Variants in SLIT3 observed in about 807,000 individuals in gnomAD.
SLIT3 encodes slit guidance ligand 3, also known as slit homolog 3 protein.
SLIT3 carries 68 observed loss-of-function variants against 184.0 expected under a neutral mutation model. The ratio of observed to expected loss-of-function variants is 0.37; its 90% CI spans 0.30 to 0.45. The LOEUF (loss-of-function observed/expected upper bound fraction) is 0.45. Ranked by LOEUF, SLIT3 falls within the 20% of genes least tolerant of loss-of-function variation. The pLI is 1.00. For synonymous variants in SLIT3, 831 were observed against 828.6 expected, an observed-to-expected ratio of 1.00 and a Z score of -0.05; for missense variants, 1,707 against 2,026.0, an observed-to-expected ratio of 0.84 and a Z score of 3.02.
At chr5:168,917,829 T>A (rs1395416386) in intron 4 of SLIT3, among the ~76,000 whole-genome samples, 1 of 152,222 alleles carries the variant, frequency 6.6e-6, no homozygotes, top group African/African-American at 2.4e-5. Flanking sequence ...CTGAAAGGGT[T>A]AGCTTTATCA....
At chr5:169,123,291 A>G (rs1760950855) in intron 4 of SLIT3, among the ~76,000 whole-genome samples, 1 of 152,212 alleles carries the variant, frequency 6.6e-6, no homozygotes, top group East Asian at 1.9e-4. Flanking sequence ...AAGAATGGTG[A>G]AATCATTGAT....
chr5:168,884,710 C>T (rs1399917001), intron 4 of SLIT3, among the ~76,000 whole-genome samples: 1 of 151,298 alleles, frequency 6.6e-6, no homozygotes, highest in Non-Finnish European at 1.5e-5. Flanking sequence ...GGTTGTATAT[C>T]GTCCAATTGT....
intron 4 of SLIT3, among the ~76,000 whole-genome samples, chr5:169,097,216 A>G (rs1053028078): frequency 1.3e-5 from 2 of 152,200 alleles, no homozygotes; most frequent in Admixed American, 6.5e-5. Context: ...CCCTGCCTAT[A>G]GGGCCAAGAA....
intron 4 of SLIT3, among the ~76,000 whole-genome samples, chr5:169,129,947 C>T (rs1045613998): frequency 5.3e-5 from 8 of 152,086 alleles, no homozygotes; most frequent in South Asian, 4.2e-4. Flanking sequence ...CTCCTGGGTT[C>T]GAGCGATTCT....
At chr5:169,194,174 G>A (rs1033360314) in intron 3 of SLIT3, among the ~76,000 whole-genome samples, 1 of 144,982 alleles carries the variant, frequency 6.9e-6, no homozygotes. Flanking sequence ...GGCAGAGGTT[G>A]CAGTGAGCTG....
intron 4 of SLIT3, among the ~76,000 whole-genome samples, chr5:168,958,615 C>T (rs1175871407): frequency 6.6e-6 from 1 of 152,252 alleles, no homozygotes. Flanking sequence ...CCATATGACA[C>T]TTCCACCTTT....
intron 1 of SLIT3, among the ~76,000 whole-genome samples, chr5:169,287,111 C>T (rs920982117): frequency 7.2e-5 from 11 of 152,284 alleles, no homozygotes; most frequent in Admixed American, 4.6e-4. Context: ...CCATCTTGTG[C>T]TATGAAGCAA....
chr5:169,293,364 C>A (rs2064079382), intron 1 of SLIT3, among the ~76,000 whole-genome samples: 1 of 152,058 alleles, frequency 6.6e-6, no homozygotes, highest in African/African-American at 2.4e-5. Flanking sequence ...AACTGACCAC[C>A]TTCCCCTAAA....
chr5:169,189,767 C>T (rs563707319), intron 4 of SLIT3, among the ~76,000 whole-genome samples: 25 of 151,938 alleles, frequency 1.6e-4, no homozygotes, highest in African/African-American at 3.6e-4. Flanking sequence ...ATTCTTTAAC[C>T]TTTCTGCACT....
chr5:168,762,720 T>A (rs1359529849), intron 14 of SLIT3, 31 bp from the exon 15 acceptor site: 1 of 1,605,606 alleles, frequency 6.2e-7, no homozygotes, highest in African/African-American at 1.3e-5. Context: ...GACGTCAGCG[T>A]CACCCGAGTT....
chr5:168,753,038 C>G lies in SLIT3; in HGVS notation c.1890G>C (p.Ser630=), dbSNP rs747077543. ...VSNDTFAGLS[S]VRLLSLYDNR... is the part of the protein sequence containing the mutation. ...TGTCATAGAGGGACAGCAGTCTCAC[C>G]GAACTCAGGCCGGCAAAGGTGTCAT... The change falls in exon 18 of 36, where the codon TCG becomes TCC. Residue 630 remains serine, a synonymous_variant. Transcript: ENST00000519560. 1 of 1,613,838 alleles carries G rather than the reference C, an allele frequency of 6.2e-7. No homozygotes were observed. The highest frequency in any genetic ancestry group is 2.2e-5 in the East Asian group (1 of 44,882).
rs116495418 is a variant in SLIT3, at chr5:168,758,595, T to C, written c.1685+2267A>G. Reference sequence around the variant, plus strand: ...GACAGCCATGATCCTCACCCAAGTGTGCCCTTCTCTCAGCTGGCCCCCCAA... The same window carrying C: ...GACAGCCATGATCCTCACCCAAGTGCGCCCTTCTCTCAGCTGGCCCCCCAA... On this transcript the variant is annotated intron_variant, in intron 16 of 35. Coordinates refer to ENST00000519560, the MANE Select transcript of SLIT3 (RefSeq NM_003062.4). 2.0e-3 allele frequency among the ~76,000 whole-genome samples: 300 copies of C among 152,302 alleles called. 2 individuals are homozygous for C. The highest frequency in any genetic ancestry group is 6.5e-3 in the African/African-American group (271 of 41,576).
At position 168,662,376 on chromosome 5, in the gene SLIT3, C is replaced by T. The variant is rs1760890593; in HGVS notation, c.*4078G>A. The T allele has an allele frequency of 6.6e-6, 1 of 152,208 alleles. No individual in the cohort carries two copies. Among genetic ancestry groups the T allele is most frequent in the African/African-American group, 2.4e-5 (1 of 41,456 alleles). 9.4% of individuals were successfully genotyped at this position (152,208 alleles called of 1,614,324 possible). ...ACTTTAGGGTTCAGTCTGGCAATAG[C>T]TTTGTTTCTGGTGAAGGGAAAGGTT... On this transcript the variant is annotated 3_prime_UTR_variant, in exon 36 of 36. Coordinates refer to ENST00000519560, the MANE Select transcript of SLIT3 (RefSeq NM_003062.4).
At position 169,286,721 on chromosome 5, in the gene SLIT3, T is replaced by C. The variant is rs189991159; in HGVS notation, c.197+13792A>G. Among the ~76,000 whole-genome samples the C allele has an allele frequency of 3.6e-3, 553 of 152,250 alleles. 1 individual carries two copies. Among genetic ancestry groups the C allele is most frequent in the African/African-American group, 0.012 (516 of 41,560 alleles). On this transcript the variant is annotated intron_variant, in intron 1 of 35. Coordinates refer to ENST00000519560, the MANE Select transcript of SLIT3 (RefSeq NM_003062.4). ...CCAGAGCCGCCTCCCTCGGCCCTCC[T>C]CTCGACAAAGCTATTTTCCCCCCAC...
intron 6 of SLIT3, among the ~76,000 whole-genome samples, chr5:168,841,248 G>T (rs957696240): frequency 5.9e-5 from 9 of 152,178 alleles, no homozygotes; most frequent in Non-Finnish European, 1.3e-4. Context: ...TCTCTGAGAT[G>T]GGCTACTTTT....
Position 168,700,638 on chromosome 5 carries a change from G to C in SLIT3, c.2886C>G (p.Asn962Lys), listed in dbSNP as rs755673398. Residue 962 changes from asparagine to lysine, a missense_variant, in exon 27 of 36, where the codon AAC becomes AAG. Physicochemically the swap from Asn to Lys is moderately conservative, Grantham distance 94. Transcript: ENST00000519560. ...GGCAGGTGCCTCCATGCTGACAGGG[G>C]TTCTGGATGCAGGTGTTGATGGGCA... ...CTVPINTCIQ[N>K]PCQHGGTCHL... is the part of the protein sequence containing the mutation. The C allele has an allele frequency of 6.2e-7, 1 of 1,614,192 alleles. No homozygotes were observed. Among genetic ancestry groups the C allele is most frequent in the Non-Finnish European group, 8.5e-7 (1 of 1,180,034 alleles).
At chr5:169,276,247 T>G (rs1766801616) in intron 1 of SLIT3, among the ~76,000 whole-genome samples, 1 of 152,188 alleles carries the variant, frequency 6.6e-6, no homozygotes, top group South Asian at 2.1e-4. Flanking sequence ...AATTGTGGTC[T>G]TCTTTCTTTT....
In SLIT3 at chr5:168,728,936, C is replaced by CAA. The variant is rs532015839; in HGVS notation, c.2271-4454_2271-4453dup. Reference sequence around the variant, plus strand: ...CTGTCTCAAAAAAAAACCAAAGAAACAAAAAAAAAAGCCAACTGAGAAATT... The same window carrying CAA: ...CTGTCTCAAAAAAAAACCAAAGAAACAAAAAAAAAAAAGCCAACTGAGAAATT... On this transcript the variant is annotated intron_variant, in intron 20 of 35. Transcript: ENST00000519560. Among the ~76,000 whole-genome samples, 587 of 140,410 alleles carry CAA rather than the reference C, an allele frequency of 4.2e-3. 19 individuals carry two copies. The East Asian group carries it at 0.091, about 22-fold the overall frequency. The allele number at this position is 140,410 out of a possible 152,430, so 92.1% of individuals were successfully genotyped here.
intron 4 of SLIT3, among the ~76,000 whole-genome samples, chr5:169,181,775 CT>C (rs1202467366): frequency 6.6e-6 from 1 of 151,558 alleles, no homozygotes; most frequent in Non-Finnish European, 1.5e-5. Flanking sequence ...TTAGATTTAT[CT>C]GAGTATCTTG....
Sources: gnomAD v4.1 joint callset for allele counts (sites outside exome capture counted in the v4.1 genomes callset) on GRCh38, gnomAD v4.1.1 for gene constraint, MANE v1.5 for transcripts, NCBI Gene and HGNC (gene_info 2026-07-23, HGNC 2026-07-21) for gene names.